Variants in ANTXR2 observed in about 807,000 individuals in gnomAD.
The protein encoded by ANTXR2 is ANTXR cell adhesion molecule 2, also known as anthrax toxin receptor 2.
A neutral mutation model predicts 73.7 loss-of-function variants in ANTXR2; 44 were observed. The observed-to-expected ratio is 0.60, with a 90% CI of 0.47 to 0.77. The LOEUF (loss-of-function observed/expected upper bound fraction) is 0.77. ANTXR2 is among the 30% of genes least tolerant of loss of function. ANTXR2 has a pLI of 0.00. For missense variants in ANTXR2, 604 were observed against 592.5 expected (o/e 1.02, Z -0.20); for synonymous variants, 217 against 205.9 (o/e 1.05, Z -0.46).
At chr4:80,038,837 T>C (rs1184033144) in intron 7 of ANTXR2, among the ~76,000 whole-genome samples, 13 of 152,016 alleles carry the variant, frequency 8.6e-5, no homozygotes, top group Non-Finnish European at 1.9e-4. Context: ...CTCTCTAAAG[T>C]TTGTTTTATT....
chr4:80,006,142 C>G (rs1437307609), intron 12 of ANTXR2, among the ~76,000 whole-genome samples: 2 of 152,002 alleles, frequency 1.3e-5, no homozygotes, highest in African/African-American at 4.8e-5. Context: ...CTTGGCAAAC[C>G]CTTCCTCCTT....
At chr4:80,054,887 T>C (rs372577480) in intron 6 of ANTXR2, among the ~76,000 whole-genome samples, 1 of 151,516 alleles carries the variant, frequency 6.6e-6, no homozygotes, top group Non-Finnish European at 1.5e-5. Context: ...AAGAGAAATA[T>C]GTGTATCATT....
In ANTXR2 at chr4:80,008,530, G is replaced by T; in HGVS notation, c.1032C>A (p.Cys344Ter). 1 of 1,606,994 alleles carries T rather than the reference G, an allele frequency of 6.2e-7. No homozygotes were observed. Among genetic ancestry groups the T allele is most frequent in the Non-Finnish European group, 8.5e-7 (1 of 1,176,768 alleles). Reference sequence around the variant, plus strand: ...AATCCTTCTTACTCACCACTTTGCAGCAAAGGGGCCAAAACCACCACATCA... The same window carrying T: ...AATCCTTCTTACTCACCACTTTGCATCAAAGGGGCCAAAACCACCACATCA... ...IGLMWWFWPL[C>*]CKVVIKDPPP... The change falls in exon 12 of 17, where the codon TGC (cysteine) becomes TGA (stop). Residue 344 changes from cysteine to a stop codon, truncating the protein, a stop_gained. Coordinates refer to ENST00000403729, the MANE Select transcript of ANTXR2 (RefSeq NM_058172.6). LOFTEE classifies it high-confidence loss of function.
intron 16 of ANTXR2, among the ~76,000 whole-genome samples, chr4:79,912,234 C>T (rs1347302749): frequency 6.6e-6 from 1 of 151,776 alleles, no homozygotes; most frequent in Non-Finnish European, 1.5e-5. Flanking sequence ...ATTTAAAGTA[C>T]ATTAATTTAG....
At chr4:79,952,016 A>G (rs542824137) in intron 16 of ANTXR2, among the ~76,000 whole-genome samples, 24 of 152,218 alleles carry the variant, frequency 1.6e-4, no homozygotes, top group Non-Finnish European at 7.4e-5. Context: ...GGGGTTTCAA[A>G]GACTGCCTGA....
At chr4:80,026,875 T>A (rs1732471322) in intron 10 of ANTXR2, among the ~76,000 whole-genome samples, 1 of 152,110 alleles carries the variant, frequency 6.6e-6, no homozygotes, top group Non-Finnish European at 1.5e-5. Flanking sequence ...CAGGTGTTCA[T>A]GTGTTAAAAG....
chr4:79,974,243 A>C (rs1729539467), intron 16 of ANTXR2, among the ~76,000 whole-genome samples: 1 of 152,206 alleles, frequency 6.6e-6, no homozygotes, highest in South Asian at 2.1e-4. Context: ...AAACATCAGA[A>C]GTACTAAAGC....
intron 16 of ANTXR2, among the ~76,000 whole-genome samples, chr4:79,927,294 C>CCCCACACACA (rs1553926040): frequency 2.0e-5 from 3 of 150,216 alleles, no homozygotes; most frequent in African/African-American, 7.4e-5. Context: ...GGAGCTCTTA[C>CCCCACACACA]CACACACACA....
chr4:79,964,712 T>A (rs1729285614), intron 16 of ANTXR2: 1 of 152,224 alleles, frequency 6.6e-6, no homozygotes, highest in Non-Finnish European at 1.5e-5. Context: ...CCAAAACGGT[T>A]TTGCCGCTCT....
chr4:79,984,420 TTTCATGTTCC>T, intron 13 of ANTXR2, among the ~76,000 whole-genome samples: 1 of 152,214 alleles, frequency 6.6e-6, no homozygotes, highest in Non-Finnish European at 1.5e-5. Context: ...ACATTCCTTA[TTTCATGTTCC>T]TAACATGATT....
At chr4:79,966,460 C>T (rs2110001888) in intron 16 of ANTXR2, among the ~76,000 whole-genome samples, 1 of 152,222 alleles carries the variant, frequency 6.6e-6, no homozygotes, top group African/African-American at 2.4e-5. Flanking sequence ...GCAGATCATC[C>T]CATTTTAATA....
At position 80,054,352 on chromosome 4, in the gene ANTXR2, G is replaced by A. The variant is rs1288758254; in HGVS notation, c.556C>T (p.Leu186Phe). 23 of 1,580,608 alleles carry A rather than the reference G, an allele frequency of 1.5e-5. No homozygotes were observed. Among genetic ancestry groups the A allele is most frequent in the Non-Finnish European group, 1.8e-5 (21 of 1,164,286 alleles). The change falls in exon 7 of 17, where the codon CTT (leucine) becomes TTT (phenylalanine). Residue 186 changes from leucine (L) to phenylalanine (F), a missense_variant and splice_region_variant. Physicochemically the swap from Leu to Phe is conservative, Grantham distance 22. Coordinates refer to ENST00000403729, the MANE Select transcript of ANTXR2 (RefSeq NM_058172.6). Reference sequence around the variant, plus strand: ...TCCTTGGAATCAGCAATTCTTTCAAGCTTTAGAAAGAAGAGGAAGACTTAA... The same window carrying A: ...TCCTTGGAATCAGCAATTCTTTCAAACTTTAGAAAGAAGAGGAAGACTTAA... ...VGVLDFEQAQ[L>F]ERIADSKEQV... is the part of the protein sequence containing the mutation.
rs1156753283 is a variant in ANTXR2 at position 79,993,439 on chromosome 4, CCT to C, written c.1042-8578_1042-8577del. On this transcript the variant is annotated intron_variant, in intron 12 of 16. Coordinates refer to ENST00000403729, the MANE Select transcript of ANTXR2 (RefSeq NM_058172.6). ...GAAGGGATTCTTTTCATTCCCTCCCCCTGTCACTCCTAAAAGCATATTCTCAA... is the reference window on the plus strand; with the variant it reads ...GAAGGGATTCTTTTCATTCCCTCCCCGTCACTCCTAAAAGCATATTCTCAA... Among the ~76,000 whole-genome samples, 8 of 151,906 alleles carry C rather than the reference CCT, an allele frequency of 5.3e-5. No individual in the cohort carries two copies. The East Asian group carries it at 1.2e-3, about 22-fold the overall frequency.
chr4:79,929,508 T>C (rs945835347), intron 16 of ANTXR2, among the ~76,000 whole-genome samples: 10 of 152,086 alleles, frequency 6.6e-5, no homozygotes, highest in Non-Finnish European at 1.5e-4. Context: ...CGAGACTCAG[T>C]ATCAACAACA....
rs1734850299 is a variant in ANTXR2 at position 80,072,478 on chromosome 4, C to G, written c.83G>C (p.Gly28Ala). The change falls in exon 1 of 17, where the codon GGG becomes GCG. Residue 28 changes from glycine (G) to alanine (A), a missense_variant. Coordinates refer to ENST00000403729, the MANE Select transcript of ANTXR2 (RefSeq NM_058172.6). ...GLWLLVLSGP[G>A]GLLRAQEQPS... ...CTGCTCCTGGGCGCGCAGCAGCCCC[C>G]CGGGACCGCTGAGCACCAACAGCCA... The G allele has an allele frequency of 6.2e-7, 1 of 1,610,410 alleles. No individual in the cohort carries two copies.
At chr4:80,029,278 A>T (rs1469785044) in intron 10 of ANTXR2, among the ~76,000 whole-genome samples, 1 of 152,120 alleles carries the variant, frequency 6.6e-6, no homozygotes, top group African/African-American at 2.4e-5. Context: ...TTTTATAACT[A>T]CTTCAGAGAA....
At chr4:79,937,675 T>C (rs1281086409) in intron 16 of ANTXR2, among the ~76,000 whole-genome samples, 1 of 152,186 alleles carries the variant, frequency 6.6e-6, no homozygotes, top group African/African-American at 2.4e-5. Context: ...GAGCATCAAT[T>C]ATGTACCCAG....
intron 14 of ANTXR2, 97 bp from the exon 15 acceptor site, chr4:79,978,271 T>C: frequency 8.4e-7 from 1 of 1,191,424 alleles, no homozygotes; most frequent in African/African-American, 1.6e-5. Flanking sequence ...CATCTCAGAG[T>C]GAAAAAGAAG....
At chr4:79,947,466 G>T (rs892261327) in intron 16 of ANTXR2, among the ~76,000 whole-genome samples, 2 of 151,982 alleles carry the variant, frequency 1.3e-5, no homozygotes, top group Non-Finnish European at 2.9e-5. Context: ...TAAAAAAAAA[G>T]TTTTTTATTT....
Sources: gnomAD v4.1 joint callset for allele counts (sites outside exome capture counted in the v4.1 genomes callset) on GRCh38, gnomAD v4.1.1 for gene constraint, MANE v1.5 for transcripts, NCBI Gene and HGNC (gene_info 2026-07-23, HGNC 2026-07-21) for gene names.